ARX: variants seen among roughly 807,000 people sequenced by gnomAD.
The protein encoded by ARX is homeobox protein ARX.
In ARX, 1 loss-of-function variant was observed where a neutral mutation model predicts 23.1. The ratio of observed to expected loss-of-function variants is 0.04; its 90% CI spans 0.02 to 0.21. The LOEUF (loss-of-function observed/expected upper bound fraction) is 0.21. Among genes scored for constraint, ARX ranks in the 10% least tolerant of loss-of-function variants. The pLI is 1.00. For missense variants in ARX, 380 were observed against 527.5 expected (o/e 0.72, Z 2.74); for synonymous variants, 301 against 270.1 (o/e 1.11, Z -1.12).
Position 25,013,398 on chromosome X carries a change from C to A in ARX, c.597G>T (p.Thr199=). 9.2e-7 allele frequency: 1 copy of A among 1,081,121 alleles called. No individual in the cohort carries two copies. Among genetic ancestry groups the A allele is most frequent in the Non-Finnish European group, 1.2e-6 (1 of 840,283 alleles). The allele number at this position is 1,081,121 out of a possible 1,213,427, so 89.1% of individuals were successfully genotyped here. A position where few individuals can be genotyped will look rare whatever the true frequency, so the allele number is the denominator to read the frequency against. ...LDELGGPGGV[T]HPEERLGVAG... is the part of the protein sequence containing the mutation. ...CCACGCCGAGGCGCTCCTCCGGGTG[C>A]GTGACGCCCCCCGGGCCGCCCAGCT... is the stretch of plus-strand genomic sequence containing the variant. Residue 199 remains threonine, a synonymous_variant, in exon 2 of 5, where the codon ACG becomes ACT. Transcript: ENST00000379044.
rs1195708875 is a variant in ARX, at chrX:25,010,375, C to T, written c.1074-70G>A. The T allele has an allele frequency of 5.2e-6, 6 of 1,149,680 alleles. No homozygotes were observed. In the African/African-American group the frequency reaches 8.9e-5, roughly 17 times the overall value. The allele number at this position is 1,149,680 out of a possible 1,213,427, so 94.7% of individuals were successfully genotyped here. On this transcript the variant is annotated intron_variant, in intron 2 of 4. Coordinates refer to ENST00000379044, the MANE Select transcript of ARX (RefSeq NM_139058.3). ...GCAATGCCCTCTCAGCTATTTCCTC[C>T]TCTATGGCAGGCCTACTCCACCAGG... is the stretch of plus-strand genomic sequence containing the variant.
rs1365389208 is a variant in ARX, at chrX:25,005,462, C to G, written c.1449-552G>C. ...ACTTTCTGCGCCCTGAAGAAACAGGCCTAGCTCGCCGGCCTCCCGGGCCAC... is the reference window on the plus strand; with the variant it reads ...ACTTTCTGCGCCCTGAAGAAACAGGGCTAGCTCGCCGGCCTCCCGGGCCAC... On this transcript the variant is annotated intron_variant, in intron 4 of 4. Coordinates refer to ENST00000379044, the MANE Select transcript of ARX (RefSeq NM_139058.3). Among the ~76,000 whole-genome samples, 30 of 112,588 alleles carry G rather than the reference C, an allele frequency of 2.7e-4. No individual in the cohort carries two copies. In the Admixed American group the frequency reaches 2.7e-3, roughly 10 times the overall value.
chrX:25,004,932 C>G (rs753570587), intron 4 of ARX, 22 bp from the exon 5 acceptor site: 2 of 1,104,959 alleles, frequency 1.8e-6, no homozygotes, highest in African/African-American at 3.8e-5. Flanking sequence ...GCAAACAGCG[C>G]GGTCATGGCC....
intron 3 of ARX, 76 bp downstream of exon 3, chrX:25,010,184 G>A (rs1398469157): frequency 6.2e-5 from 14 of 225,687 alleles, no homozygotes; most frequent in Admixed American, 2.4e-4. Context: ...GCACCCCCCC[G>A]CCACCAACCC....
Position 25,004,640 on chromosome X carries a change from CGCGCGGGGCGCGGGTGTGGAGGGCA to C in ARX, c.*5_*29del. ...CTGAGTGAGGTGACCTTTCGGGGCGCGCGCGGGGCGCGGGTGTGGAGGGCAGCCTTTAGCACACCTCCTTGCCCGT... is the reference window on the plus strand; with the variant it reads ...CTGAGTGAGGTGACCTTTCGGGGCGCGCCTTTAGCACACCTCCTTGCCCGT... On this transcript the variant is annotated 3_prime_UTR_variant, in exon 5 of 5. Transcript: ENST00000379044. 8.6e-7 allele frequency: 1 copy of C among 1,163,748 alleles called. No individual in the cohort carries two copies. The highest frequency in any genetic ancestry group is 1.1e-6 in the Non-Finnish European group (1 of 872,642).
chrX:25,005,317 A>G (rs1032786965), intron 4 of ARX, among the ~76,000 whole-genome samples: 2 of 97,934 alleles, frequency 2.0e-5, no homozygotes, highest in Non-Finnish European at 4.0e-5. Context: ...AGAGGAGAGC[A>G]AAAGAAGGGA....
At chrX:25,009,299 A>G (rs2048692137) in intron 3 of ARX, among the ~76,000 whole-genome samples, 1 of 111,553 alleles carries the variant, frequency 9.0e-6, no homozygotes. Context: ...GAGAGGAGAA[A>G]GGGAGGGGGC....
intron 1 of ARX, among the ~76,000 whole-genome samples, chrX:25,015,044 A>G (rs1367691406): frequency 8.9e-6 from 1 of 112,500 alleles, no homozygotes; most frequent in Non-Finnish European, 1.9e-5. Flanking sequence ...TTTTCTGCAA[A>G]GCTTGGGTTT....
Position 25,013,188 on chromosome X carries a change from G to C in ARX, c.807C>G (p.Ala269=). Reference sequence around the variant, plus strand: ...CTGCTGCGGCCACGGCGCCAGTGGCGGCCACAGGACAGCGCCGGGGCTCCT... The same window carrying C: ...CTGCTGCGGCCACGGCGCCAGTGGCCGCCACAGGACAGCGCCGGGGCTCCT... The part of the protein sequence containing the change: ...LLKEPRRCPV[A]ATGAVAAAAA... The change falls in exon 2 of 5, where the codon GCC becomes GCG. Residue 269 remains alanine, a synonymous_variant. Transcript: ENST00000379044. 8.5e-7 allele frequency: 1 copy of C among 1,181,515 alleles called. No homozygotes were observed. The highest frequency in any genetic ancestry group is 1.1e-6 in the Non-Finnish European group (1 of 881,104).
intron 2 of ARX, among the ~76,000 whole-genome samples, chrX:25,010,867 A>G (rs1459843059): frequency 9.2e-6 from 1 of 108,973 alleles, no homozygotes; most frequent in Non-Finnish European, 1.9e-5. Context: ...CCCTTGGGTC[A>G]CACTCCCCAT....
chrX:25,007,462 G>A, intron 3 of ARX, 23 bp from the exon 4 acceptor site: 1 of 1,147,234 alleles, frequency 8.7e-7, no homozygotes, highest in South Asian at 1.9e-5. Flanking sequence ...GAGAGCCCAG[G>A]GTCGGCGCGG....
Position 25,012,165 on chromosome X carries a change from C to T in ARX, c.1073+757G>A, listed in dbSNP as rs2048704886. Among the ~76,000 whole-genome samples the T allele has an allele frequency of 2.7e-5, 3 of 112,844 alleles. No individual in the cohort carries two copies. In the South Asian group the frequency reaches 1.1e-3, roughly 42 times the overall value. ...ACTGCTTTGTCTACTCCCTGCCAGG[C>T]TTCCAGCAATCATTGTCCACCCGGT... is the stretch of plus-strand genomic sequence containing the variant. On this transcript the variant is annotated intron_variant, in intron 2 of 4. Transcript: ENST00000379044.
In ARX at chrX:25,013,224, G is replaced by T; in HGVS notation, c.771C>A (p.Arg257=). The T allele has an allele frequency of 8.6e-7, 1 of 1,161,580 alleles. No individual in the cohort carries two copies. The highest frequency in any genetic ancestry group is 1.1e-6 in the Non-Finnish European group (1 of 870,971). The change falls in exon 2 of 5, where the codon CGC becomes CGA. Residue 257 remains arginine, a synonymous_variant. Coordinates refer to ENST00000379044, the MANE Select transcript of ARX (RefSeq NM_139058.3). ...AGCGCCGGGGCTCCTTGAGCAGCGC[G>T]CGGGCGTCGTCCTCCAGCAGCTCCT... ...DEEELLEDDA[R]ALLKEPRRCP...
At position 25,013,607 on chromosome X, in the gene ARX, G is replaced by T; in HGVS notation, c.388C>A (p.Pro130Thr). The change falls in exon 2 of 5, where the codon CCG (proline) becomes ACG (threonine). Residue 130 changes from proline to threonine, a missense_variant. Pro to Thr is a conservative substitution (Grantham distance 38, BLOSUM62 -1). Coordinates refer to ENST00000379044, the MANE Select transcript of ARX (RefSeq NM_139058.3). ...GPRGEAPPPP[P>T]PTARPGERPD... Reference sequence around the variant, plus strand: ...CGTTCCCCGGGCCGCGCGGTTGGCGGTGGCGGCGGAGGGGCCTCCCCGCGT... The same window carrying T: ...CGTTCCCCGGGCCGCGCGGTTGGCGTTGGCGGCGGAGGGGCCTCCCCGCGT... The T allele has an allele frequency of 1.3e-6, 1 of 752,111 alleles. No individual in the cohort carries two copies. Among genetic ancestry groups the T allele is most frequent in the African/African-American group, 2.3e-5 (1 of 43,163 alleles). 62.0% of individuals were successfully genotyped at this position (752,111 alleles called of 1,213,427 possible).
rs398124508 is a variant in ARX at position 25,007,238 on chromosome X, AGGCGGC to A, written c.1315_1320del (p.Ala439_Ala440del). The A allele has an allele frequency of 1.4e-5, 16 of 1,128,701 alleles. No homozygotes were observed. Among genetic ancestry groups the A allele is most frequent in the Non-Finnish European group, 1.7e-5 (15 of 860,611 alleles). 93.0% of individuals were successfully genotyped at this position (1,128,701 alleles called of 1,213,427 possible). A position where few individuals can be genotyped will look rare whatever the true frequency, so the allele number is the denominator to read the frequency against. On this transcript the variant is annotated inframe_deletion, in exon 4 of 5. Transcript: ENST00000379044. ...CCCGGAGGCGGAGGTAGGCTCGGGAAGGCGGCGGCGGCGGCGGCGGCAGCGGCAGTC... is the reference window on the plus strand; with the variant it reads ...CCCGGAGGCGGAGGTAGGCTCGGGAAGGCGGCGGCGGCGGCAGCGGCAGTC...
chrX:25,015,836 G>T lies in ARX; in HGVS notation c.-99C>A. ...TGTGTTGGGGGTGGGGTTAGATAGCGGGTTATAACGGATATTATTGCGATC... is the reference window on the plus strand; with the variant it reads ...TGTGTTGGGGGTGGGGTTAGATAGCTGGTTATAACGGATATTATTGCGATC... On this transcript the variant is annotated 5_prime_UTR_variant, in exon 1 of 5. Transcript: ENST00000379044. The T allele has an allele frequency of 2.3e-6, 2 of 876,547 alleles. No individual in the cohort carries two copies. The highest frequency in any genetic ancestry group is 3.3e-6 in the Non-Finnish European group (2 of 611,134). The allele number at this position is 876,547 out of a possible 1,213,427, so 72.2% of individuals were successfully genotyped here.
intron 4 of ARX, among the ~76,000 whole-genome samples, chrX:25,006,786 G>A (rs139847150): frequency 0.036 from 3,971 of 110,837 alleles, 185 homozygotes; most frequent in African/African-American, 0.12. Context: ...CCCTACACCT[G>A]TACATATTTG....
intron 1 of ARX, 116 bp from the exon 2 acceptor site, chrX:25,013,914 C>G (rs2048714548): frequency 2.3e-6 from 2 of 856,680 alleles, no homozygotes; most frequent in Non-Finnish European, 2.8e-6. Flanking sequence ...CGTGCGGGGA[C>G]CGCGCACCAC....
rs143364456 is a variant in ARX at position 25,012,360 on chromosome X, C to A, written c.1073+562G>T. On this transcript the variant is annotated intron_variant, in intron 2 of 4. Coordinates refer to ENST00000379044, the MANE Select transcript of ARX (RefSeq NM_139058.3). ...AGTCCTGAAACGACAGAACTCGGATCTTTTTAAAGGCCTTCTCCGCTGGCA... is the reference window on the plus strand; with the variant it reads ...AGTCCTGAAACGACAGAACTCGGATATTTTTAAAGGCCTTCTCCGCTGGCA... 4.5e-3 allele frequency among the ~76,000 whole-genome samples: 504 copies of A among 112,974 alleles called. 9 individuals are homozygous for A. The highest frequency in any genetic ancestry group is 0.016 in the African/African-American group (491 of 31,156).
Sources: gnomAD v4.1 joint callset for allele counts (sites outside exome capture counted in the v4.1 genomes callset) on GRCh38, gnomAD v4.1.1 for gene constraint, MANE v1.5 for transcripts, NCBI Gene and HGNC (gene_info 2026-07-23, HGNC 2026-07-21) for gene names.